Variants in MINK1 observed in about 807,000 individuals in gnomAD.
MINK1 encodes misshapen-like kinase 1.
MINK1 carries 46 observed loss-of-function variants against 178.4 expected under a neutral mutation model. That is an observed-to-expected ratio of 0.26 (90% CI 0.20 to 0.33). MINK1 has a LOEUF of 0.33. Ranked by LOEUF, MINK1 falls within the 10% of genes least tolerant of loss-of-function variation. MINK1 has a pLI of 1.00. For missense variants in MINK1, 1,366 were observed against 1,814.9 expected (o/e 0.75, Z 4.49); for synonymous variants, 797 against 709.7 (o/e 1.12, Z -1.96).
chr17:4,879,450 A>T (rs1332342999), intron 2 of MINK1, among the ~76,000 whole-genome samples: 1 of 152,098 alleles, frequency 6.6e-6, no homozygotes, highest in African/African-American at 2.4e-5. Flanking sequence ...TCTCTTGCAA[A>T]CTTTGGGGAA....
intron 1 of MINK1, chr17:4,875,098 T>C: frequency 3.8e-6 from 2 of 520,114 alleles, no homozygotes; most frequent in South Asian, 2.8e-5. Flanking sequence ...TTCGCAGCAG[T>C]CAGTTCAGAC....
chr17:4,873,721 C>T (rs1597483759), intron 1 of MINK1, among the ~76,000 whole-genome samples: 1 of 149,128 alleles, frequency 6.7e-6, no homozygotes. Flanking sequence ...TGAGTTCAAG[C>T]GATTCTCCTG....
At chr17:4,854,128 C>G (rs1912643390) in intron 1 of MINK1, among the ~76,000 whole-genome samples, 1 of 152,168 alleles carries the variant, frequency 6.6e-6, no homozygotes, top group Non-Finnish European at 1.5e-5. Flanking sequence ...TTCCCCGGCT[C>G]AGCATCAGAA....
At chr17:4,897,097 T>G in intron 31 of MINK1, 107 bp from the exon 32 acceptor site, 1 of 998,980 alleles carries the variant, frequency 1.0e-6, no homozygotes, top group Non-Finnish European at 1.5e-6. Flanking sequence ...GCAGTCTCTG[T>G]GTCTCCCTCA....
intron 1 of MINK1, among the ~76,000 whole-genome samples, chr17:4,849,819 C>T (rs1301454929): frequency 6.6e-6 from 1 of 152,064 alleles, no homozygotes; most frequent in Admixed American, 6.6e-5. Context: ...GTGGTCCGCC[C>T]GCCTCGGCCT....
Position 4,833,450 on chromosome 17 carries a change from C to T in MINK1, c.-134C>T, listed in dbSNP as rs912472004. On this transcript the variant is annotated 5_prime_UTR_variant, in exon 1 of 32. Coordinates refer to ENST00000355280, the MANE Select transcript of MINK1 (RefSeq NM_153827.5). The surrounding 1 kb of genome is among the most constrained non-coding windows in gnomAD (Gnocchi z 4.8). Reference sequence around the variant, plus strand: ...GTCGGTCCTCGCGCCGGCCCTCCCCCTCCCCGGTCTCCGGGGGAGGCGCGG... The same window carrying T: ...GTCGGTCCTCGCGCCGGCCCTCCCCTTCCCCGGTCTCCGGGGGAGGCGCGG... 1.0e-5 allele frequency: 7 copies of T among 678,520 alleles called. No homozygotes were observed. Among genetic ancestry groups the T allele is most frequent in the African/African-American group, 3.8e-5 (2 of 52,134 alleles). The allele number at this position is 678,520 out of a possible 1,614,324, so 42.0% of individuals were successfully genotyped here.
intron 4 of MINK1, 114 bp from the exon 5 acceptor site, chr17:4,884,248 GT>G: frequency 1.3e-6 from 1 of 766,244 alleles, no homozygotes; most frequent in Non-Finnish European, 2.2e-6. Flanking sequence ...GCTCATACCA[GT>G]TCTAACCCCA....
At chr17:4,867,431 C>G (rs1915196965) in intron 1 of MINK1, among the ~76,000 whole-genome samples, 1 of 151,998 alleles carries the variant, frequency 6.6e-6, no homozygotes, top group African/African-American at 2.4e-5. Flanking sequence ...AGGAGGATCA[C>G]TTGAGCCCAG....
At chr17:4,881,552 A>T (rs1431234162) in intron 4 of MINK1, among the ~76,000 whole-genome samples, 2 of 151,808 alleles carry the variant, frequency 1.3e-5, no homozygotes, top group Admixed American at 1.3e-4. Flanking sequence ...GGCTCTTAAT[A>T]AATAAATATA....
intron 1 of MINK1, among the ~76,000 whole-genome samples, chr17:4,851,702 A>C (rs1201708850): frequency 1.3e-5 from 2 of 152,036 alleles, no homozygotes; most frequent in Non-Finnish European, 2.9e-5. Context: ...TCCCTGCCTT[A>C]AGAAAGTCCA....
At chr17:4,881,349 C>T in intron 4 of MINK1, 92 bp downstream of exon 4, 2 of 1,368,508 alleles carry the variant, frequency 1.5e-6, no homozygotes, top group Non-Finnish European at 2.0e-6. Flanking sequence ...AGCATCTCTC[C>T]TTGCCAGCTA....
At chr17:4,855,345 G>T (rs1567570396) in intron 1 of MINK1, among the ~76,000 whole-genome samples, 1 of 151,702 alleles carries the variant, frequency 6.6e-6, no homozygotes, top group Non-Finnish European at 1.5e-5. Context: ...AATTAGCTGG[G>T]CGTGGTGGCG....
chr17:4,861,297 G>A (rs1240113559), intron 1 of MINK1, among the ~76,000 whole-genome samples: 3 of 152,264 alleles, frequency 2.0e-5, no homozygotes, highest in Non-Finnish European at 2.9e-5. Context: ...GAGTTTCTGC[G>A]TTAACATCAC....
chr17:4,884,771 G>A (rs1968043416), intron 5 of MINK1, 141 bp from the exon 6 acceptor site: 1 of 727,532 alleles, frequency 1.4e-6, no homozygotes, highest in African/African-American at 1.8e-5. Context: ...CAGCTTGCTT[G>A]GGCTCCTGGT....
intron 1 of MINK1, among the ~76,000 whole-genome samples, chr17:4,849,108 G>A (rs1406436701): frequency 6.6e-6 from 1 of 152,134 alleles, no homozygotes; most frequent in Non-Finnish European, 1.5e-5. Context: ...GAATTCTGTG[G>A]GCTTGGCTTC....
At position 4,886,764 on chromosome 17, in the gene MINK1, C is replaced by G. The variant is rs931683659; in HGVS notation, c.949+138C>G. ...TCTCCCTGTCCAAGGAGATCGTTCT[C>G]AAACTTGCAACCCCCAAGGGGTTTT... On this transcript the variant is annotated intron_variant, in intron 10 of 31. Transcript: ENST00000355280. The surrounding 1 kb of genome is among the most constrained non-coding windows in gnomAD (Gnocchi z 6.1). 9.8e-7 allele frequency: 1 copy of G among 1,015,968 alleles called. No individual in the cohort carries two copies. The highest frequency in any genetic ancestry group is 1.4e-6 in the Non-Finnish European group (1 of 719,800). 62.9% of individuals were successfully genotyped at this position (1,015,968 alleles called of 1,614,324 possible). A position where few individuals can be genotyped will look rare whatever the true frequency, so the allele number is the denominator to read the frequency against.
At chr17:4,869,213 C>T (rs557637054) in intron 1 of MINK1, among the ~76,000 whole-genome samples, 38 of 149,350 alleles carry the variant, frequency 2.5e-4, no homozygotes, top group Middle Eastern at 3.6e-3. Flanking sequence ...TGTGAGCCAC[C>T]GCTCCCGGCC....
chr17:4,882,704 G>A (rs769551640), intron 4 of MINK1, among the ~76,000 whole-genome samples: 13 of 152,198 alleles, frequency 8.5e-5, no homozygotes, highest in African/African-American at 1.2e-4. Context: ...TAGTCAGTAC[G>A]TAAACGAATG....
At position 4,894,764 on chromosome 17, in the gene MINK1, C is replaced by T. The variant is rs985310055; in HGVS notation, c.2917+131C>T. Reference sequence around the variant, plus strand: ...CTCTCCCTTGGGCCCTAGCACCTGCCTGGGCACAGAGGCAAGGAAGAGCCT... The same window carrying T: ...CTCTCCCTTGGGCCCTAGCACCTGCTTGGGCACAGAGGCAAGGAAGAGCCT... On this transcript the variant is annotated intron_variant, in intron 24 of 31. Coordinates refer to ENST00000355280, the MANE Select transcript of MINK1 (RefSeq NM_153827.5). This position sits in a 1 kb window ranked among gnomAD's most constrained non-coding sequence, Gnocchi z 4.1. 1.5e-5 allele frequency: 11 copies of T among 738,350 alleles called. No individual in the cohort carries two copies. In the African/African-American group the frequency reaches 1.7e-4, roughly 12 times the overall value. 45.7% of individuals were successfully genotyped at this position (738,350 alleles called of 1,614,324 possible).
Sources: gnomAD v4.1 joint callset for allele counts (sites outside exome capture counted in the v4.1 genomes callset) on GRCh38, gnomAD v4.1.1 for gene constraint, Gnocchi (gnomAD v3.1) non-coding constraint, MANE v1.5 for transcripts, NCBI Gene and HGNC (gene_info 2026-07-23, HGNC 2026-07-21) for gene names.